Variants in UGT1A4 observed in about 807,000 individuals in gnomAD.
UGT1A4 encodes the protein UDP glucuronosyltransferase family 1 member A4.
In UGT1A4, 32 loss-of-function variants were observed where a neutral mutation model predicts 41.1. The observed-to-expected ratio is 0.78, with a 90% CI of 0.59 to 1.05. UGT1A4 has a LOEUF of 1.05. Among genes scored for constraint, UGT1A4 ranks in the 50% least tolerant of loss-of-function variants. The pLI is 0.00. For synonymous variants in UGT1A4, 283 were observed against 265.1 expected (o/e 1.07, Z -0.66); for missense variants, 748 against 677.4 (o/e 1.10, Z -1.16).
At position 233,769,521 on chromosome 2, in the gene UGT1A4, C is replaced by A. The variant is rs753723506; in HGVS notation, c.1307+1082C>A. The A allele has an allele frequency of 4.3e-6, 7 of 1,612,800 alleles. No homozygotes were observed. The East Asian group carries it at 1.6e-4, about 36-fold the overall frequency. On this transcript the variant is annotated intron_variant, in intron 4 of 4. Transcript: ENST00000373409. The surrounding 1 kb of genome is among the most constrained non-coding windows in gnomAD (Gnocchi z 4.4). ...TGTCCATTGCTTTCTCCCATGGTTACCTCCTTTAGAAAGAAGCAGCAGTCA... is the reference window on the plus strand; with the variant it reads ...TGTCCATTGCTTTCTCCCATGGTTAACTCCTTTAGAAAGAAGCAGCAGTCA...
rs572113839 is a variant in UGT1A4, at chr2:233,733,665, C to T, written c.867+13978C>T. Among the ~76,000 whole-genome samples the T allele has an allele frequency of 5.3e-5, 8 of 152,280 alleles. No individual in the cohort carries two copies. The East Asian group carries it at 7.7e-4, about 15-fold the overall frequency. ...ATCCCAAGGATGAAGCCGACTTGAT[C>T]GATGTGGATAAACTTTTTGATGTGC... On this transcript the variant is annotated intron_variant, in intron 1 of 4. Transcript: ENST00000373409.
rs1219690957 is a variant in UGT1A4 at position 233,719,461 on chromosome 2, T to C, written c.641T>C (p.Met214Thr). 1 of 1,613,972 alleles carries C rather than the reference T, an allele frequency of 6.2e-7. No individual in the cohort carries two copies. Among genetic ancestry groups the C allele is most frequent in the Non-Finnish European group, 8.5e-7 (1 of 1,179,866 alleles). ...ACATTCCTGCAAAGGGTCAAGAACA[T>C]GCTCTACCCTCTGGCCCTGTCCTAC... ...HMTFLQRVKN[M>T]LYPLALSYIC... Residue 214 changes from methionine to threonine, a missense_variant, in exon 1 of 5, where the codon ATG (methionine) becomes ACG (threonine). Transcript: ENST00000373409.
At chr2:233,757,978 G>A (rs979360381) in intron 1 of UGT1A4, among the ~76,000 whole-genome samples, 2 of 152,062 alleles carry the variant, frequency 1.3e-5, no homozygotes, top group Non-Finnish European at 2.9e-5. Context: ...AGCCCCTAGA[G>A]CACCATCCCC....
chr2:233,737,300 G>T (rs1006795480), intron 1 of UGT1A4, among the ~76,000 whole-genome samples: 5 of 152,240 alleles, frequency 3.3e-5, no homozygotes, highest in Admixed American at 2.0e-4. Context: ...CCGCCTCACA[G>T]TTCAATCTCA....
At position 233,747,493 on chromosome 2, in the gene UGT1A4, T is replaced by G; in HGVS notation, c.868-19541T>G. 3.1e-6 allele frequency: 5 copies of G among 1,608,784 alleles called. No individual in the cohort carries two copies. In the South Asian group the frequency reaches 3.3e-5, roughly 11 times the overall value. The stretch of plus-strand genomic sequence containing the variant: ...CAGGATGAATTTGATCGCCTTGTGC[T>G]GGGCCACACTCAACTGTACTTTGAA... On this transcript the variant is annotated intron_variant, in intron 1 of 4. Coordinates refer to ENST00000373409, the MANE Select transcript of UGT1A4 (RefSeq NM_007120.3).
At chr2:233,723,516 CTTTT>C (rs1162916866) in intron 1 of UGT1A4, among the ~76,000 whole-genome samples, 1 of 85,406 alleles carries the variant, frequency 1.2e-5, no homozygotes, top group African/African-American at 4.9e-5. Flanking sequence ...GGTCAACAAT[CTTTT>C]TTTTTTTTTT....
chr2:233,760,729 A>G lies in UGT1A4; in HGVS notation c.868-6305A>G, dbSNP rs1289728507. On this transcript the variant is annotated intron_variant, in intron 1 of 4. Coordinates refer to ENST00000373409, the MANE Select transcript of UGT1A4 (RefSeq NM_007120.3). ...CCTGGCAGAAAGCAGCTTTGATGTCATGCTGACGGACCCTTTCCTTCCTTG... is the reference window on the plus strand; with the variant it reads ...CCTGGCAGAAAGCAGCTTTGATGTCGTGCTGACGGACCCTTTCCTTCCTTG... 1.9e-6 allele frequency: 3 copies of G among 1,614,196 alleles called. No individual in the cohort carries two copies. The Admixed American group carries it at 5.0e-5, about 27-fold the overall frequency.
At chr2:233,749,821 C>T (rs1469380104) in intron 1 of UGT1A4, among the ~76,000 whole-genome samples, 1 of 151,926 alleles carries the variant, frequency 6.6e-6, no homozygotes, top group African/African-American at 2.4e-5. Context: ...TCCTCTTTCT[C>T]TCTTTCATGT....
At chr2:233,726,564 T>TA (rs1292410166) in intron 1 of UGT1A4, among the ~76,000 whole-genome samples, 1 of 152,188 alleles carries the variant, frequency 6.6e-6, no homozygotes, top group Non-Finnish European at 1.5e-5. Flanking sequence ...CTCCCACTCT[T>TA]ACGCCTGTCT....
intron 1 of UGT1A4, among the ~76,000 whole-genome samples, chr2:233,757,535 A>AATATATATACATATATATATATATATAT (rs376887521): frequency 7.9e-5 from 7 of 88,294 alleles, no homozygotes; most frequent in Non-Finnish European, 1.1e-4. Context: ...GCCTGTAAGG[A>AATATATATACATATATATATATATATAT]ATATATATAT....
chr2:233,728,977 G>T, intron 1 of UGT1A4: 2 of 1,494,572 alleles, frequency 1.3e-6, no homozygotes, highest in African/African-American at 2.8e-5. Context: ...ATAGATTAAT[G>T]GTTAATAATT....
chr2:233,757,314 T>A (rs1406248640), intron 1 of UGT1A4, among the ~76,000 whole-genome samples: 1 of 20,476 alleles, frequency 4.9e-5, no homozygotes, highest in Non-Finnish European at 9.0e-5. Flanking sequence ...ACAGGGGGGC[T>A]GGGGCCCTGA....
At chr2:233,732,140 G>A (rs1172524883) in intron 1 of UGT1A4, among the ~76,000 whole-genome samples, 1 of 135,546 alleles carries the variant, frequency 7.4e-6, no homozygotes, top group African/African-American at 2.8e-5. Flanking sequence ...TTGTTTGTTT[G>A]TTTTTTTTCT....
At chr2:233,754,200 T>C (rs1333668014) in intron 1 of UGT1A4, 4 of 162,792 alleles carry the variant, frequency 2.5e-5, no homozygotes, top group Non-Finnish European at 5.4e-5. Context: ...CAGTAAAACA[T>C]TGAAGTCAAA....
chr2:233,755,063 G>C (rs776771090), intron 1 of UGT1A4: 3 of 1,334,898 alleles, frequency 2.2e-6, no homozygotes, highest in Non-Finnish European at 3.0e-6. Context: ...CCCTCGCCTC[G>C]CCATAGCGGT....
At position 233,719,049 on chromosome 2, in the gene UGT1A4, C is replaced by T; in HGVS notation, c.229C>T (p.Leu77=). 6.2e-7 allele frequency: 1 copy of T among 1,614,286 alleles called. No homozygotes were observed. The highest frequency in any genetic ancestry group is 1.1e-5 in the South Asian group (1 of 91,084). The change falls in exon 1 of 5, where the codon CTG becomes TTG. Residue 77 remains leucine (L), a synonymous_variant. Transcript: ENST00000373409. ...MHIKEEKFFT[L]TAYAVPWTQK... is the part of the protein sequence containing the mutation. Reference sequence around the variant, plus strand: ...CATCAAAGAAGAGAAATTTTTCACCCTGACAGCCTATGCTGTTCCATGGAC... The same window carrying T: ...CATCAAAGAAGAGAAATTTTTCACCTTGACAGCCTATGCTGTTCCATGGAC...
chr2:233,761,145 A>T, intron 1 of UGT1A4: 4 of 1,614,244 alleles, frequency 2.5e-6, no homozygotes, highest in Non-Finnish European at 3.4e-6. Flanking sequence ...AAAATCCACT[A>T]TCCCAGGTGT....
chr2:233,734,462 A>G (rs990660022), intron 1 of UGT1A4, among the ~76,000 whole-genome samples: 2 of 145,254 alleles, frequency 1.4e-5, no homozygotes, highest in African/African-American at 5.4e-5. Context: ...TTCAAAATCC[A>G]TCTCCTGGAT....
At chr2:233,736,707 G>C (rs536736454) in intron 1 of UGT1A4, among the ~76,000 whole-genome samples, 9 of 152,300 alleles carry the variant, frequency 5.9e-5, no homozygotes, top group African/African-American at 1.9e-4. Flanking sequence ...TTTTGGTGTA[G>C]ATGTCCTTTT....
Sources: allele counts gnomAD v4.1 joint callset (sites outside exome capture counted in the v4.1 genomes callset), GRCh38; gene constraint gnomAD v4.1.1; non-coding constraint Gnocchi (gnomAD v3.1); transcripts MANE v1.5; gene names NCBI Gene and HGNC (gene_info 2026-07-23, HGNC 2026-07-21).